Variants in SLC35F3 observed in about 807,000 individuals in gnomAD.
The protein encoded by SLC35F3 is putative thiamine transporter SLC35F3.
In SLC35F3, 25 loss-of-function variants were observed where a neutral mutation model predicts 49.9. The ratio of observed to expected loss-of-function variants is 0.50; its 90% CI spans 0.37 to 0.70. The LOEUF is 0.70. SLC35F3 is among the 30% of genes least tolerant of loss of function. The pLI is 0.00. For synonymous variants in SLC35F3, 275 were observed against 265.4 expected (o/e 1.04, Z -0.35); for missense variants, 525 against 639.8 (o/e 0.82, Z 1.94).
chr1:233,984,594 T>C (rs1663237501), intron 2 of SLC35F3, among the ~76,000 whole-genome samples: 1 of 152,242 alleles, frequency 6.6e-6, no homozygotes, highest in Non-Finnish European at 1.5e-5. Flanking sequence ...AAAGATTTTC[T>C]GATTTGCAAT....
At position 234,132,902 on chromosome 1, in the gene SLC35F3, A is replaced by G. The variant is rs567492385; in HGVS notation, c.284-98515A>G. 1.3e-4 allele frequency among the ~76,000 whole-genome samples: 20 copies of G among 152,354 alleles called. No individual in the cohort carries two copies. In the South Asian group the frequency reaches 3.9e-3, roughly 30 times the overall value. ...TGGAAGCCAGAAACAGCAGCTAACA[A>G]CTATTGAGTGCTGACTCTGTGCTGG... On this transcript the variant is annotated intron_variant, in intron 2 of 7. Transcript: ENST00000366618.
intron 3 of SLC35F3, among the ~76,000 whole-genome samples, chr1:234,240,239 T>G (rs1052024038): frequency 5.3e-5 from 8 of 151,874 alleles, no homozygotes; most frequent in Non-Finnish European, 2.9e-5. Context: ...GGAGGCTGAG[T>G]CGGGCGGATC....
chr1:234,204,089 C>T (rs1197688509), intron 2 of SLC35F3, among the ~76,000 whole-genome samples: 1 of 152,036 alleles, frequency 6.6e-6, no homozygotes, highest in Non-Finnish European at 1.5e-5. Flanking sequence ...TGTAAATACA[C>T]CATACTTTAT....
intron 4 of SLC35F3, among the ~76,000 whole-genome samples, chr1:234,314,972 CT>C (rs1223699331): frequency 2.0e-5 from 3 of 152,216 alleles, no homozygotes; most frequent in African/African-American, 7.2e-5. Context: ...TGCTTTCTCA[CT>C]TTTCCCTTTT....
intron 2 of SLC35F3, among the ~76,000 whole-genome samples, chr1:234,107,713 C>T (rs183843770): frequency 1.2e-4 from 19 of 152,280 alleles, no homozygotes; most frequent in Admixed American, 1.1e-3. Context: ...TTCTCTGAGC[C>T]TTGGTTTCCT....
intron 3 of SLC35F3, among the ~76,000 whole-genome samples, chr1:234,274,947 A>G (rs939912310): frequency 6.6e-6 from 1 of 152,190 alleles, no homozygotes; most frequent in Non-Finnish European, 1.5e-5. Context: ...TTCTCCATCA[A>G]TGCCCTACTT....
chr1:234,285,506 T>A (rs1668406200), intron 3 of SLC35F3: 1 of 379,818 alleles, frequency 2.6e-6, no homozygotes, highest in East Asian at 7.3e-5. Flanking sequence ...GTGCCATCTA[T>A]GTCTCTGTAA....
chr1:234,023,148 A>G (rs1049624362), intron 2 of SLC35F3, among the ~76,000 whole-genome samples: 3 of 152,188 alleles, frequency 2.0e-5, no homozygotes, highest in Admixed American at 6.5e-5. Flanking sequence ...CTCGCAGCCC[A>G]TGGAGGAAGA....
intron 3 of SLC35F3, among the ~76,000 whole-genome samples, chr1:234,233,670 T>G (rs1212285874): frequency 6.6e-6 from 1 of 152,240 alleles, no homozygotes; most frequent in East Asian, 1.9e-4. Context: ...GATTTCAACC[T>G]ATTGTCTTCC....
chr1:234,028,475 C>T (rs1664010483), intron 2 of SLC35F3, among the ~76,000 whole-genome samples: 1 of 152,144 alleles, frequency 6.6e-6, no homozygotes, highest in South Asian at 2.1e-4. Context: ...CACCAGCATC[C>T]CTGTCGGAAG....
chr1:233,917,982 A>G (rs538109915), intron 2 of SLC35F3, among the ~76,000 whole-genome samples: 1 of 152,132 alleles, frequency 6.6e-6, no homozygotes, highest in Admixed American at 6.6e-5. Flanking sequence ...TCTACAGTGG[A>G]TACATGTAAG....
chr1:234,197,631 G>C (rs1425680826), intron 2 of SLC35F3, among the ~76,000 whole-genome samples: 1 of 152,224 alleles, frequency 6.6e-6, no homozygotes, highest in Non-Finnish European at 1.5e-5. Context: ...GAGAGGGGCA[G>C]TTCTCCTGCC....
chr1:234,162,927 G>A (rs896938455), intron 2 of SLC35F3, among the ~76,000 whole-genome samples: 3 of 152,224 alleles, frequency 2.0e-5, no homozygotes, highest in Non-Finnish European at 4.4e-5. Context: ...TACCCAGCAT[G>A]CAGCTTCCCC....
intron 2 of SLC35F3, among the ~76,000 whole-genome samples, chr1:234,120,311 T>C (rs12141026): frequency 0.19 from 29,258 of 152,268 alleles, 3,433 homozygotes; most frequent in Non-Finnish European, 0.27. Flanking sequence ...TGGGAGTCAG[T>C]GCTGACAGTG....
chr1:234,013,963 A>G (rs912846276), intron 2 of SLC35F3, among the ~76,000 whole-genome samples: 3 of 152,192 alleles, frequency 2.0e-5, no homozygotes, highest in East Asian at 1.9e-4. Flanking sequence ...GGAAAGCCAT[A>G]CATCTGATAA....
At chr1:234,084,354 G>A (rs749554190) in intron 2 of SLC35F3, among the ~76,000 whole-genome samples, 5 of 152,044 alleles carry the variant, frequency 3.3e-5, no homozygotes, top group Non-Finnish European at 5.9e-5. Context: ...ATCCCATTCA[G>A]TTATTTGCAC....
At chr1:234,168,475 TGTAA>T (rs1468968307) in intron 2 of SLC35F3, among the ~76,000 whole-genome samples, 3 of 152,246 alleles carry the variant, frequency 2.0e-5, no homozygotes, top group Non-Finnish European at 2.9e-5. Context: ...CAGACCATCC[TGTAA>T]GTGTCATTGC....
intron 3 of SLC35F3, among the ~76,000 whole-genome samples, chr1:234,264,023 C>A (rs1384225331): frequency 2.0e-5 from 3 of 152,252 alleles, no homozygotes; most frequent in Admixed American, 6.5e-5. Flanking sequence ...GCAGGAGAAT[C>A]ACTTGAACCC....
chr1:234,044,270 G>C (rs1664260715), intron 2 of SLC35F3, among the ~76,000 whole-genome samples: 1 of 152,186 alleles, frequency 6.6e-6, no homozygotes, highest in Admixed American at 6.5e-5. Flanking sequence ...GAACTTCCCA[G>C]CCTGCCAAAC....
Sources: allele counts gnomAD v4.1 joint callset (sites outside exome capture counted in the v4.1 genomes callset), GRCh38; gene constraint gnomAD v4.1.1; transcripts MANE v1.5; gene names NCBI Gene and HGNC (gene_info 2026-07-23, HGNC 2026-07-21).